Variants in CNTNAP2 observed in about 807,000 individuals in gnomAD.
The protein encoded by CNTNAP2 is contactin associated protein 2.
In CNTNAP2, 98 loss-of-function variants were observed where a neutral mutation model predicts 155.2. That is an observed-to-expected ratio of 0.63 (90% CI 0.54 to 0.75). CNTNAP2 has a LOEUF of 0.75. Ranked by LOEUF, CNTNAP2 falls within the 30% of genes least tolerant of loss-of-function variation. CNTNAP2 has a pLI of 0.00. For missense variants in CNTNAP2, 1,727 were observed against 1,688.1 expected, an observed-to-expected ratio of 1.02 and a Z score of -0.40; for synonymous variants, 651 against 631.2, an observed-to-expected ratio of 1.03 and a Z score of -0.47.
At chr7:146,928,451 C>T (rs180793298) in intron 3 of CNTNAP2, among the ~76,000 whole-genome samples, 8 of 152,194 alleles carry the variant, frequency 5.3e-5, no homozygotes, top group African/African-American at 9.6e-5. Context: ...ATTCGGGACT[C>T]GCAGCCAAGA....
chr7:146,600,162 T>TGG (rs1415687336), intron 1 of CNTNAP2, among the ~76,000 whole-genome samples: 19 of 152,002 alleles, frequency 1.2e-4, no homozygotes, highest in African/African-American at 4.6e-4. Flanking sequence ...CACTCCATAA[T>TGG]AGTCAGTTTT....
chr7:148,123,722 AAAG>A (rs1804655803), intron 16 of CNTNAP2, among the ~76,000 whole-genome samples: 1 of 147,090 alleles, frequency 6.8e-6, no homozygotes, highest in Non-Finnish European at 1.5e-5. Context: ...GAAAGAAAGA[AAAG>A]AAAAAGGAAG....
At chr7:147,053,777 A>G (rs143251696) in intron 4 of CNTNAP2, among the ~76,000 whole-genome samples, 23 of 152,286 alleles carry the variant, frequency 1.5e-4, no homozygotes, top group Admixed American at 3.3e-4. Context: ...TTAAAACAAA[A>G]GTATATATAC....
chr7:146,148,913 T>C (rs879511059), intron 1 of CNTNAP2, among the ~76,000 whole-genome samples: 2 of 151,858 alleles, frequency 1.3e-5, no homozygotes, highest in Admixed American at 6.6e-5. Context: ...ATGAGTATAG[T>C]GTTATATTGC....
intron 23 of CNTNAP2, among the ~76,000 whole-genome samples, chr7:148,414,110 C>G (rs113460970): frequency 1.9e-4 from 18 of 96,512 alleles, no homozygotes; most frequent in Middle Eastern, 0.011. Context: ...CCCCCCCCCC[C>G]CCCTCACACA....
At chr7:148,101,928 T>A (rs1262390297) in intron 15 of CNTNAP2, among the ~76,000 whole-genome samples, 1 of 152,192 alleles carries the variant, frequency 6.6e-6, no homozygotes, top group Non-Finnish European at 1.5e-5. Context: ...GTCTTCCCCA[T>A]TGCTATCAAT....
chr7:147,410,025 C>T lies in CNTNAP2; in HGVS notation c.1670+14245C>T, dbSNP rs1279653191. 2.6e-5 allele frequency among the ~76,000 whole-genome samples: 4 copies of T among 152,168 alleles called. No individual in the cohort carries two copies. In the East Asian group the frequency reaches 5.8e-4, roughly 22 times the overall value. ...CCTCAAAGATCTAAAGACAGAAATA[C>T]CGTTTGATTCAGCCATCCCATTACT... On this transcript the variant is annotated intron_variant, in intron 10 of 23. Coordinates refer to ENST00000361727, the MANE Select transcript of CNTNAP2 (RefSeq NM_014141.6).
intron 13 of CNTNAP2, among the ~76,000 whole-genome samples, chr7:147,668,477 T>G (rs2116962484): frequency 6.6e-6 from 1 of 152,276 alleles, no homozygotes; most frequent in East Asian, 1.9e-4. Context: ...GCTCCATGGG[T>G]GTCAGTGCCC....
At chr7:147,013,202 C>A in intron 3 of CNTNAP2, among the ~76,000 whole-genome samples, 1 of 151,958 alleles carries the variant, frequency 6.6e-6, no homozygotes, top group Non-Finnish European at 1.5e-5. Flanking sequence ...TCAAATAGAT[C>A]AAGGTAATTT....
chr7:146,290,354 A>G (rs2129086495), intron 1 of CNTNAP2, among the ~76,000 whole-genome samples: 1 of 152,302 alleles, frequency 6.6e-6, no homozygotes, highest in Non-Finnish European at 1.5e-5. Flanking sequence ...TCAGTTATGG[A>G]GAGCAGATAA....
chr7:146,833,587 G>A (rs1179817489), intron 2 of CNTNAP2, among the ~76,000 whole-genome samples: 1 of 152,076 alleles, frequency 6.6e-6, no homozygotes, highest in Admixed American at 6.6e-5. Flanking sequence ...ATGCCTATTT[G>A]CTAACCTCTT....
rs1370443221 is a variant in CNTNAP2 at position 148,417,136 on chromosome 7, T to A, written c.*1520T>A. ...CACCATTCTGAGGAATTCAATATGA[T>A]CACTTTTTCCTTCTTTGCCTGGGAG... On this transcript the variant is annotated 3_prime_UTR_variant, in exon 24 of 24. Coordinates refer to ENST00000361727, the MANE Select transcript of CNTNAP2 (RefSeq NM_014141.6). The A allele has an allele frequency of 6.6e-6, 1 of 152,220 alleles. No individual in the cohort carries two copies. Among genetic ancestry groups the A allele is most frequent in the Non-Finnish European group, 1.5e-5 (1 of 68,036 alleles). The allele number at this position is 152,220 out of a possible 1,614,324, so 9.4% of individuals were successfully genotyped here. A position where few individuals can be genotyped will look rare whatever the true frequency, so the allele number is the denominator to read the frequency against.
In CNTNAP2 at chr7:147,922,330, A is replaced by G. The variant is rs770455741; in HGVS notation, c.2255+18609A>G. Among the ~76,000 whole-genome samples, 7 of 152,296 alleles carry G rather than the reference A, an allele frequency of 4.6e-5. No homozygotes were observed. The East Asian group carries it at 5.8e-4, about 13-fold the overall frequency. ...CCCCAACCCTGCTTATAGTATGTCA[A>G]TATTGGGAGAAATCCATCACTGACA... On this transcript the variant is annotated intron_variant, in intron 14 of 23. Transcript: ENST00000361727.
At chr7:147,228,719 C>T (rs534199695) in intron 8 of CNTNAP2, among the ~76,000 whole-genome samples, 10 of 152,036 alleles carry the variant, frequency 6.6e-5, no homozygotes, top group East Asian at 5.8e-4. Context: ...AGGTTTGTTA[C>T]GTAGGTATAC....
At chr7:146,345,018 A>G (rs543935052) in intron 1 of CNTNAP2, among the ~76,000 whole-genome samples, 12 of 152,328 alleles carry the variant, frequency 7.9e-5, no homozygotes, top group African/African-American at 2.9e-4. Context: ...ATGGTTCTGC[A>G]TTTTTATAGC....
At chr7:146,721,889 A>ATATATATATATATATTTTTT in intron 1 of CNTNAP2, among the ~76,000 whole-genome samples, 2 of 69,738 alleles carry the variant, frequency 2.9e-5, no homozygotes, top group African/African-American at 3.8e-4. Flanking sequence ...ATATATATAT[A>ATATATATATATATATTTTTT]TTTTTTTTTT....
At chr7:147,709,310 C>T (rs1000917715) in intron 13 of CNTNAP2, among the ~76,000 whole-genome samples, 1 of 152,134 alleles carries the variant, frequency 6.6e-6, no homozygotes, top group African/African-American at 2.4e-5. Context: ...GCTTCCTATG[C>T]CCAATCCCGC....
intron 11 of CNTNAP2, among the ~76,000 whole-genome samples, chr7:147,553,643 G>C (rs1034505719): frequency 3.9e-5 from 6 of 152,086 alleles, no homozygotes; most frequent in African/African-American, 1.4e-4. Context: ...CTAGGGCAAG[G>C]TATAGTGTTA....
At position 146,441,734 on chromosome 7, in the gene CNTNAP2, A is replaced by G. The variant is rs1242007514; in HGVS notation, c.97+324761A>G. Among the ~76,000 whole-genome samples, 17 of 151,292 alleles carry G rather than the reference A, an allele frequency of 1.1e-4. 1 individual carries two copies. The highest frequency in any genetic ancestry group is 4.2e-4 in the African/African-American group (17 of 40,678). On this transcript the variant is annotated intron_variant, in intron 1 of 23. Transcript: ENST00000361727. ...GGAGCTCCTCTCAGCATCGCCTCTC[A>G]TCTCTTCTGCTGTGTCTCTCTTTTC...
Sources: allele counts gnomAD v4.1 joint callset (sites outside exome capture counted in the v4.1 genomes callset), GRCh38; gene constraint gnomAD v4.1.1; transcripts MANE v1.5; gene names NCBI Gene and HGNC (gene_info 2026-07-23, HGNC 2026-07-21).